PLCXD3: variants seen among roughly 807,000 people sequenced by gnomAD.
PLCXD3 encodes phosphatidylinositol specific phospholipase C X domain containing 3.
A neutral mutation model predicts 25.5 loss-of-function variants in PLCXD3; 19 were observed. That is an observed-to-expected ratio of 0.75 (90% CI 0.52 to 1.09). The LOEUF (loss-of-function observed/expected upper bound fraction) is 1.09, where lower values mean the gene tolerates loss of function less well. Ranked by LOEUF, PLCXD3 falls within the 50% of genes least tolerant of loss-of-function variation. PLCXD3 has a pLI of 0.00. For synonymous variants in PLCXD3, 174 were observed against 137.6 expected (o/e 1.26, Z -1.85); for missense variants, 411 against 388.1 (o/e 1.06, Z -0.50).
At chr5:41,430,384 T>C (rs1423708472) in intron 1 of PLCXD3, among the ~76,000 whole-genome samples, 1 of 152,146 alleles carries the variant, frequency 6.6e-6, no homozygotes, top group Non-Finnish European at 1.5e-5. Flanking sequence ...AGTAAAATCA[T>C]AAAGAATTGA....
intron 1 of PLCXD3, among the ~76,000 whole-genome samples, chr5:41,423,287 G>A (rs375858037): frequency 1.3e-5 from 2 of 152,022 alleles, no homozygotes; most frequent in Non-Finnish European, 2.9e-5. Flanking sequence ...TAAATGCTGT[G>A]TTTTGTGGTT....
At chr5:41,451,408 G>A (rs555612341) in intron 1 of PLCXD3, among the ~76,000 whole-genome samples, 21 of 152,090 alleles carry the variant, frequency 1.4e-4, no homozygotes, top group African/African-American at 4.8e-4. Context: ...AATTCAACTC[G>A]ATAGACATTT....
At chr5:41,390,782 T>C (rs1318777774) in intron 1 of PLCXD3, among the ~76,000 whole-genome samples, 1 of 151,506 alleles carries the variant, frequency 6.6e-6, no homozygotes, top group Non-Finnish European at 1.5e-5. Flanking sequence ...TAGCACTGGG[T>C]TTTAACTTCA....
intron 2 of PLCXD3, among the ~76,000 whole-genome samples, chr5:41,345,319 TGA>T (rs1452470743): frequency 6.6e-6 from 1 of 152,162 alleles, no homozygotes; most frequent in Non-Finnish European, 1.5e-5. Context: ...AAACAAATCA[TGA>T]GAGAGGGTGA....
chr5:41,421,996 TA>T (rs1209149155), intron 1 of PLCXD3, among the ~76,000 whole-genome samples: 2 of 152,122 alleles, frequency 1.3e-5, no homozygotes, highest in African/African-American at 4.8e-5. Context: ...TCCATATATA[TA>T]TATATATTGC....
At chr5:41,400,077 A>G (rs775811615) in intron 1 of PLCXD3, among the ~76,000 whole-genome samples, 10 of 152,164 alleles carry the variant, frequency 6.6e-5, no homozygotes, top group Admixed American at 2.6e-4. Context: ...ACAAACAGGC[A>G]TGTGAACAGA....
intron 1 of PLCXD3, among the ~76,000 whole-genome samples, chr5:41,433,920 G>C (rs1325393165): frequency 1.3e-5 from 2 of 152,162 alleles, no homozygotes; most frequent in African/African-American, 4.8e-5. Context: ...AAGCCTACAG[G>C]TGGGAAGGGA....
At chr5:41,428,205 T>G (rs1747007976) in intron 1 of PLCXD3, among the ~76,000 whole-genome samples, 1 of 152,120 alleles carries the variant, frequency 6.6e-6, no homozygotes, top group South Asian at 2.1e-4. Flanking sequence ...CACAGGAATT[T>G]CTTTATCTTT....
chr5:41,509,103 G>A (rs1738957694), intron 1 of PLCXD3, among the ~76,000 whole-genome samples: 1 of 152,178 alleles, frequency 6.6e-6, no homozygotes, highest in Non-Finnish European at 1.5e-5. Flanking sequence ...ACTGATCAAT[G>A]GCAGCACTCT....
chr5:41,406,087 C>A (rs753183746), intron 1 of PLCXD3, among the ~76,000 whole-genome samples: 2 of 151,988 alleles, frequency 1.3e-5, no homozygotes, highest in Admixed American at 1.3e-4. Context: ...GCTTCCTTCT[C>A]GAAATATTTT....
chr5:41,327,091 G>T (rs1425082519), intron 2 of PLCXD3, among the ~76,000 whole-genome samples: 1 of 152,144 alleles, frequency 6.6e-6, no homozygotes, highest in East Asian at 1.9e-4. Flanking sequence ...TTTGAACTTG[G>T]TCATGCCTAG....
chr5:41,450,350 GCT>G (rs1292519281), intron 1 of PLCXD3, among the ~76,000 whole-genome samples: 1 of 152,046 alleles, frequency 6.6e-6, no homozygotes, highest in Non-Finnish European at 1.5e-5. Flanking sequence ...AAGCTTCTCT[GCT>G]CTGTTTTTCA....
At position 41,310,369 on chromosome 5, in the gene PLCXD3, G is replaced by A. The variant is rs534484399; in HGVS notation, c.*3248C>T. On this transcript the variant is annotated 3_prime_UTR_variant, in exon 3 of 3. Transcript: ENST00000377801. ...ATTTCCTGCTGTAGATTGGGTAAAA[G>A]TTAGATTGTATTTGTTTGGTTGTTT... 2.6e-5 allele frequency: 4 copies of A among 152,186 alleles called. No homozygotes were observed. In the East Asian group the frequency reaches 5.8e-4, roughly 22 times the overall value. 9.4% of individuals were successfully genotyped at this position (152,186 alleles called of 1,614,324 possible).
intron 1 of PLCXD3, among the ~76,000 whole-genome samples, chr5:41,498,571 G>A (rs958437572): frequency 5.3e-5 from 8 of 151,664 alleles, no homozygotes; most frequent in African/African-American, 1.9e-4. Flanking sequence ...GTTTAAAGGT[G>A]AATTCTATTA....
chr5:41,386,186 T>A (rs1745628728), intron 1 of PLCXD3, among the ~76,000 whole-genome samples: 1 of 152,120 alleles, frequency 6.6e-6, no homozygotes, highest in African/African-American at 2.4e-5. Flanking sequence ...TAACTATGGT[T>A]ATGTTATATG....
At chr5:41,496,489 A>T (rs577703611) in intron 1 of PLCXD3, among the ~76,000 whole-genome samples, 9 of 152,084 alleles carry the variant, frequency 5.9e-5, no homozygotes, top group African/African-American at 2.2e-4. Flanking sequence ...ATACAAGGAA[A>T]ATTCCAGACT....
intron 1 of PLCXD3, among the ~76,000 whole-genome samples, chr5:41,412,718 T>A (rs1746591959): frequency 6.6e-6 from 1 of 152,246 alleles, no homozygotes; most frequent in Non-Finnish European, 1.5e-5. Context: ...CAGCCTCTAC[T>A]TCTTATCTGT....
At chr5:41,338,364 G>T (rs919092339) in intron 2 of PLCXD3, among the ~76,000 whole-genome samples, 1 of 152,072 alleles carries the variant, frequency 6.6e-6, no homozygotes, top group African/African-American at 2.4e-5. Context: ...TGAAGTTAAG[G>T]ATTTATTTCC....
chr5:41,324,683 C>T (rs1203225717), intron 2 of PLCXD3, among the ~76,000 whole-genome samples: 5 of 152,146 alleles, frequency 3.3e-5, no homozygotes, highest in Non-Finnish European at 7.4e-5. Flanking sequence ...CTGGTTGAAC[C>T]CACAACTTTC....
Sources: gnomAD v4.1 joint callset for allele counts (sites outside exome capture counted in the v4.1 genomes callset) on GRCh38, gnomAD v4.1.1 for gene constraint, MANE v1.5 for transcripts, NCBI Gene and HGNC (gene_info 2026-07-23, HGNC 2026-07-21) for gene names.